VSTM4: variants seen among roughly 807,000 people sequenced by gnomAD.
The protein encoded by VSTM4 is V-set and transmembrane domain-containing protein 4.
In VSTM4, 20 loss-of-function variants were observed where a neutral mutation model predicts 36.4. The observed-to-expected ratio is 0.55, with a 90% CI of 0.39 to 0.80. The LOEUF is 0.80. Ranked by LOEUF, VSTM4 falls within the 30% of genes least tolerant of loss-of-function variation. VSTM4 has a pLI of 0.00. For missense variants in VSTM4, 392 were observed against 404.5 expected (o/e 0.97, Z 0.26); for synonymous variants, 182 against 173.9 (o/e 1.05, Z -0.37).
rs1012689717 is a variant in VSTM4, at chr10:49,019,612, G to A, written c.*38C>T. On this transcript the variant is annotated 3_prime_UTR_variant, in exon 8 of 8. Transcript: ENST00000332853. ...TCCAAGGCTTCATAAATCACTGGGT[G>A]GCAGGTATTAAATAGAACCTTGGAG... 7 of 1,563,904 alleles carry A rather than the reference G, an allele frequency of 4.5e-6. No homozygotes were observed. In the African/African-American group the frequency reaches 6.8e-5, roughly 15 times the overall value.
At chr10:49,054,049 G>A (rs1036417492) in intron 5 of VSTM4, among the ~76,000 whole-genome samples, 18 of 152,200 alleles carry the variant, frequency 1.2e-4, no homozygotes, top group African/African-American at 3.1e-4. Flanking sequence ...CTTGGTATCC[G>A]TGACCTCTGG....
intron 4 of VSTM4, among the ~76,000 whole-genome samples, chr10:49,067,422 T>C (rs529808466): frequency 1.3e-5 from 2 of 152,358 alleles, no homozygotes; most frequent in African/African-American, 4.8e-5. Flanking sequence ...TGAGCCTAAC[T>C]GAAGCCTAAT....
chr10:49,091,696 C>A (rs568885983), intron 2 of VSTM4, among the ~76,000 whole-genome samples: 13 of 152,160 alleles, frequency 8.5e-5, no homozygotes, highest in Non-Finnish European at 1.2e-4. Flanking sequence ...TCGGGGTCCC[C>A]CATTCACCAA....
chr10:49,087,465 C>G (rs902306976), intron 2 of VSTM4, among the ~76,000 whole-genome samples: 1 of 152,130 alleles, frequency 6.6e-6, no homozygotes, highest in Non-Finnish European at 1.5e-5. Flanking sequence ...CTTGGTGACT[C>G]TAGATAAAAT....
intron 5 of VSTM4, among the ~76,000 whole-genome samples, chr10:49,057,505 A>T (rs1171204460): frequency 1.3e-5 from 2 of 152,198 alleles, no homozygotes; most frequent in African/African-American, 4.8e-5. Context: ...CCAAGTTCAC[A>T]AAGCTGCCAA....
chr10:49,061,380 T>C (rs1351145474), intron 5 of VSTM4, among the ~76,000 whole-genome samples: 1 of 152,202 alleles, frequency 6.6e-6, no homozygotes, highest in Admixed American at 6.5e-5. Context: ...GTGTTTGATC[T>C]GTCTCAATTG....
Position 49,047,029 on chromosome 10 carries a change from G to C in VSTM4, c.791C>G (p.Thr264Arg). The change falls in exon 7 of 8, where the codon ACG becomes AGG. Residue 264 changes from threonine to arginine, a missense_variant. Physicochemically the swap from Thr to Arg is moderately conservative, Grantham distance 71. Coordinates refer to ENST00000332853, the MANE Select transcript of VSTM4 (RefSeq NM_001031746.5). ...AVPAKAPIAP[T>R]FHKPKLLKPQ... is the part of the protein sequence containing the mutation. ...TTTCAGCAGCTTCGGTTTATGGAAC[G>C]TGGGGGCTATCGGAGCTGTGGAAGT... 6.2e-7 allele frequency: 1 copy of C among 1,614,176 alleles called. No homozygotes were observed. The highest frequency in any genetic ancestry group is 1.3e-5 in the African/African-American group (1 of 75,044).
intron 5 of VSTM4, among the ~76,000 whole-genome samples, chr10:49,052,880 C>T (rs763303187): frequency 5.7e-4 from 87 of 152,258 alleles, no homozygotes; most frequent in Non-Finnish European, 9.3e-4. Context: ...TAAAACTGCA[C>T]TAAATTTAAT....
chr10:49,065,699 T>A (rs960669956), intron 4 of VSTM4, among the ~76,000 whole-genome samples: 1 of 152,120 alleles, frequency 6.6e-6, no homozygotes, highest in African/African-American at 2.4e-5. Context: ...CATGAATGAC[T>A]CCAGCTGAGA....
chr10:49,038,977 G>A (rs1223641273), intron 7 of VSTM4, among the ~76,000 whole-genome samples: 2 of 152,140 alleles, frequency 1.3e-5, no homozygotes, highest in African/African-American at 4.8e-5. Flanking sequence ...AGGCCTCTCA[G>A]GACCACCTGC....
intron 2 of VSTM4, chr10:49,103,604 G>A (rs1243383719): frequency 2.1e-6 from 3 of 1,461,920 alleles, no homozygotes; most frequent in South Asian, 1.5e-5. Flanking sequence ...AGAACTGGGA[G>A]TTATTTTTTA....
In VSTM4 at chr10:49,050,546, G is replaced by A. The variant is rs576160076; in HGVS notation, c.669-1962C>T. Among the ~76,000 whole-genome samples, 8 of 152,256 alleles carry A rather than the reference G, an allele frequency of 5.3e-5. No homozygotes were observed. The South Asian group carries it at 8.3e-4, about 16-fold the overall frequency. On this transcript the variant is annotated intron_variant, in intron 5 of 7. Transcript: ENST00000332853. ...AAGATGCCTTATTTTTATTGGGAAC[G>A]GAGATTCTAACTGGTCATAGCTTTA...
At chr10:49,094,578 G>A (rs1200148452) in intron 2 of VSTM4, among the ~76,000 whole-genome samples, 1 of 152,186 alleles carries the variant, frequency 6.6e-6, no homozygotes, top group Non-Finnish European at 1.5e-5. Context: ...GGCTGGAAGA[G>A]GATGGTGATG....
intron 2 of VSTM4, among the ~76,000 whole-genome samples, chr10:49,088,031 G>A (rs1844405442): frequency 6.8e-6 from 1 of 147,984 alleles, no homozygotes; most frequent in African/African-American, 2.5e-5. Context: ...ACATATATAT[G>A]TAATTATATA....
At position 49,090,038 on chromosome 10, in the gene VSTM4, T is replaced by C. The variant is rs573482365; in HGVS notation, c.458-4015A>G. 2.6e-4 allele frequency among the ~76,000 whole-genome samples: 39 copies of C among 152,270 alleles called. 2 individuals are homozygous for C. The Middle Eastern group carries it at 0.037, about 146-fold the overall frequency. On this transcript the variant is annotated intron_variant, in intron 2 of 7. Coordinates refer to ENST00000332853, the MANE Select transcript of VSTM4 (RefSeq NM_001031746.5). The stretch of plus-strand genomic sequence containing the variant: ...TGGAGTGGAAGAGGCCCCAGCAGGG[T>C]AGATGGGCTTGAAGAGGATGGAATG...
chr10:49,086,735 A>G (rs759343482), intron 2 of VSTM4, among the ~76,000 whole-genome samples: 1 of 152,212 alleles, frequency 6.6e-6, no homozygotes, highest in Non-Finnish European at 1.5e-5. Flanking sequence ...GTTCAATAGA[A>G]CCTTCTGAAG....
At chr10:49,115,040 GC>G (rs1172907485) in intron 1 of VSTM4, among the ~76,000 whole-genome samples, 1 of 152,156 alleles carries the variant, frequency 6.6e-6, no homozygotes, top group Admixed American at 6.5e-5. Context: ...AAGGGAAGTT[GC>G]TGCTCCGAGG....
At position 49,064,735 on chromosome 10, in the gene VSTM4, C is replaced by T. The variant is rs765343409; in HGVS notation, c.636G>A (p.Val212=). 6.2e-7 allele frequency: 1 copy of T among 1,612,562 alleles called. No individual in the cohort carries two copies. Among genetic ancestry groups the T allele is most frequent in the Non-Finnish European group, 8.5e-7 (1 of 1,179,494 alleles). The change falls in exon 5 of 8, where the codon GTG becomes GTA. Residue 212 remains valine (V), a splice_region_variant and synonymous_variant. Transcript: ENST00000332853. ...GAGGGCATTTCACCAAATAATGTCTCACTGTGAAAGGAAAAATAATAGAAG... is the reference window on the plus strand; with the variant it reads ...GAGGGCATTTCACCAAATAATGTCTTACTGTGAAAGGAAAAATAATAGAAG... ...QSVFNKRKSR[V]RHYLVKCPQN...
intron 5 of VSTM4, among the ~76,000 whole-genome samples, chr10:49,061,577 G>A (rs1329104523): frequency 6.6e-6 from 1 of 152,088 alleles, no homozygotes; most frequent in African/African-American, 2.4e-5. Context: ...TGTTTGACTT[G>A]TACTCATGTG....
Sources: gnomAD v4.1 joint callset for allele counts (sites outside exome capture counted in the v4.1 genomes callset) on GRCh38, gnomAD v4.1.1 for gene constraint, MANE v1.5 for transcripts, NCBI Gene and HGNC (gene_info 2026-07-23, HGNC 2026-07-21) for gene names.